PIEZO1: variants seen among roughly 807,000 people sequenced by gnomAD.
The protein encoded by PIEZO1 is piezo-type mechanosensitive ion channel component 1.
A neutral mutation model predicts 297.2 loss-of-function variants in PIEZO1; 296 were observed. That is an observed-to-expected ratio of 1.00 (90% confidence interval 0.91 to 1.10). The LOEUF is 1.10. Ranked by LOEUF, PIEZO1 falls within the 50% of genes least tolerant of loss-of-function variation. The pLI is 0.00. For synonymous variants in PIEZO1, 2,427 were observed against 1,507.5 expected, an observed-to-expected ratio of 1.61 and a Z score of -14.13; for missense variants, 5,018 against 3,455.5, an observed-to-expected ratio of 1.45 and a Z score of -11.34.
At chr16:88,776,138 G>A (rs528271082) in intron 1 of PIEZO1, among the ~76,000 whole-genome samples, 224 of 152,312 alleles carry the variant, frequency 1.5e-3, no homozygotes, top group Non-Finnish European at 2.5e-3. Context: ...GTGGTGCACA[G>A]AAGGAACCAA....
chr16:88,755,975 C>T (rs1230764125), intron 1 of PIEZO1, among the ~76,000 whole-genome samples: 1 of 152,166 alleles, frequency 6.6e-6, no homozygotes, highest in Non-Finnish European at 1.5e-5. Context: ...CGGGGGCCAC[C>T]CAGGAGCCAG....
chr16:88,721,230 G>T lies in PIEZO1; in HGVS notation c.5604C>A (p.Arg1868=), dbSNP rs1355450018. 6.5e-6 allele frequency: 10 copies of T among 1,539,438 alleles called. No homozygotes were observed. Among genetic ancestry groups the T allele is most frequent in the Non-Finnish European group, 8.7e-6 (10 of 1,145,536 alleles). Residue 1868 remains arginine, a synonymous_variant, in exon 39 of 51, where the codon CGC becomes CGA. Transcript: ENST00000301015. ...QVELRPRDTR[R]ISLRFRRRKK... The stretch of plus-strand genomic sequence containing the variant: ...TCCTTCTTCTAAAACGTAGACTGAT[G>T]CGCCTCGTATCACGGGGCCTGAGCT...
chr16:88,779,029 G>C (rs368963555), intron 1 of PIEZO1, among the ~76,000 whole-genome samples: 1 of 142,460 alleles, frequency 7.0e-6, no homozygotes, highest in African/African-American at 2.6e-5. Context: ...TCTGATTTAC[G>C]ACTTCACTTT....
chr16:88,732,332 C>T lies in PIEZO1; in HGVS notation c.2991+3G>A. ...CCAGGGGGAGGCAATGTCCTTGCCT[C>T]ACCTCCAGCCCGAATTTGTAGAAGA... On this transcript the variant is annotated splice_donor_region_variant and intron_variant, in intron 21 of 50. Transcript: ENST00000301015. The T allele has an allele frequency of 6.5e-7, 1 of 1,548,528 alleles. No individual in the cohort carries two copies. Among genetic ancestry groups the T allele is most frequent in the Admixed American group, 2.0e-5 (1 of 50,956 alleles).
At position 88,715,383 on chromosome 16, in the gene PIEZO1, A is replaced by G; in HGVS notation, c.*222T>C. ...AATAAAACATTTTTTAATTAAAAAA[A>G]AAACTCTACAGTACACGTGGGGGAC... On this transcript the variant is annotated 3_prime_UTR_variant, in exon 51 of 51. Coordinates refer to ENST00000301015, the MANE Select transcript of PIEZO1 (RefSeq NM_001142864.4). 1 of 1,121,312 alleles carries G rather than the reference A, an allele frequency of 8.9e-7. No individual in the cohort carries two copies. Among genetic ancestry groups the G allele is most frequent in the Non-Finnish European group, 1.2e-6 (1 of 804,734 alleles). The allele number at this position is 1,121,312 out of a possible 1,614,324, so 69.5% of individuals were successfully genotyped here. A position where few individuals can be genotyped will look rare whatever the true frequency, so the allele number is the denominator to read the frequency against.
At chr16:88,743,893 G>C (rs181322426) in intron 2 of PIEZO1, 6 of 312,472 alleles carry the variant, frequency 1.9e-5, no homozygotes, top group Non-Finnish European at 3.2e-5. Flanking sequence ...GCAGCAGGGA[G>C]AGTGGGAAGG....
rs1446345335 is a variant in PIEZO1 at position 88,717,279 on chromosome 16, C to G, written c.6472-68G>C. 3.6e-6 allele frequency: 5 copies of G among 1,384,824 alleles called. No individual in the cohort carries two copies. The Admixed American group carries it at 5.9e-5, about 16-fold the overall frequency. The allele number at this position is 1,384,824 out of a possible 1,614,324, so 85.8% of individuals were successfully genotyped here. A position where few individuals can be genotyped will look rare whatever the true frequency, so the allele number is the denominator to read the frequency against. On this transcript the variant is annotated intron_variant, in intron 44 of 50. Transcript: ENST00000301015. ...CCTGCGGGTCACACAACCGCATTCT[C>G]CAGCTCACCCAGCAGCCCAGAAAAG...
At chr16:88,726,507 C>A in intron 26 of PIEZO1, 40 bp downstream of exon 26, 2 of 1,545,792 alleles carry the variant, frequency 1.3e-6, no homozygotes, top group Non-Finnish European at 8.7e-7. Context: ...GAGCAGGGGG[C>A]TTCCCCACGC....
At position 88,741,584 on chromosome 16, in the gene PIEZO1, C is replaced by T. The variant is rs1180628646; in HGVS notation, c.359G>A (p.Arg120Gln). The change falls in exon 5 of 51, where the codon CGG (arginine) becomes CAG (glutamine). Residue 120 changes from arginine (R) to glutamine (Q), a missense_variant. Transcript: ENST00000301015. Reference sequence around the variant, plus strand: ...GATGCCCAGGTCAGGGGCCACCAGCCGGATGGCGTTGGGGATGTCCTTCAG... The same window carrying T: ...GATGCCCAGGTCAGGGGCCACCAGCTGGATGGCGTTGGGGATGTCCTTCAG... ...LDLKDIPNAIRLVAPDLGILV... is the reference protein window; with the variant it reads ...LDLKDIPNAIQLVAPDLGILV... The T allele has an allele frequency of 1.2e-5, 19 of 1,535,388 alleles. No individual in the cohort carries two copies. The highest frequency in any genetic ancestry group is 6.9e-5 in the African/African-American group (5 of 72,984).
chr16:88,725,322 G>A (rs1904344341), intron 29 of PIEZO1, 94 bp downstream of exon 29: 2 of 834,396 alleles, frequency 2.4e-6, no homozygotes, highest in East Asian at 2.8e-5. Context: ...TGGGAGCCCT[G>A]TGGGACGTCA....
chr16:88,770,682 C>T (rs116225637), intron 1 of PIEZO1, among the ~76,000 whole-genome samples: 1 of 152,224 alleles, frequency 6.6e-6, no homozygotes, highest in South Asian at 2.1e-4. Context: ...GCCTTCACTG[C>T]CAGTGACTCA....
At position 88,726,751 on chromosome 16, in the gene PIEZO1, G is replaced by A; in HGVS notation, c.3663C>T (p.Tyr1221=). 2 of 1,550,166 alleles carry A rather than the reference G, an allele frequency of 1.3e-6. No homozygotes were observed. Among genetic ancestry groups the A allele is most frequent in the South Asian group, 1.2e-5 (1 of 84,056 alleles). The change falls in exon 25 of 51, where the codon TAC becomes TAT. Residue 1221 remains tyrosine, a synonymous_variant. Transcript: ENST00000301015. ...TCTTGGAGATGATGACGGTGACGTT[G>A]TACAGAATGAGGCAGTCCCACAGCA... The part of the protein sequence containing the change: ...RLVLWDCLIL[Y]NVTVIISKNM...
intron 2 of PIEZO1, chr16:88,743,264 G>A (rs775567638): frequency 1.3e-5 from 6 of 456,386 alleles, no homozygotes; most frequent in Non-Finnish European, 2.2e-5. Context: ...GCGCACATGT[G>A]GACAGCTCAC....
At chr16:88,721,038 G>A (rs1912399524) in intron 39 of PIEZO1, 128 bp downstream of exon 39, 2 of 999,150 alleles carry the variant, frequency 2.0e-6, no homozygotes, top group Non-Finnish European at 2.8e-6. Context: ...GCTCAGAAGT[G>A]GCACCTTCCT....
chr16:88,716,606 G>C lies in PIEZO1; in HGVS notation c.6879C>G (p.Tyr2293Ter). 6.5e-7 allele frequency: 1 copy of C among 1,549,842 alleles called. No homozygotes were observed. Among genetic ancestry groups the C allele is most frequent in the Non-Finnish European group, 8.7e-7 (1 of 1,146,776 alleles). The stretch of plus-strand genomic sequence containing the variant: ...GCAGGGTGATGTCGGCCGTGCCGTT[G>C]TAGAGCTCCCGCTTCATCTGGGCAC... Reference protein sequence around the residue: ...PSRAQMKRELYNGTADITLRF... With the variant: ...PSRAQMKREL The change falls in exon 47 of 51, where the codon TAC becomes TAG. Residue 2293 changes from tyrosine to a stop codon, truncating the protein, a stop_gained. Transcript: ENST00000301015. LOFTEE classifies it high-confidence loss of function.
intron 10 of PIEZO1, chr16:88,737,330 C>T (rs1184812284): frequency 2.0e-6 from 1 of 510,496 alleles, no homozygotes; most frequent in Non-Finnish European, 3.5e-6. Flanking sequence ...GACGCGGCCA[C>T]TCAGCTGCCC....
intron 49 of PIEZO1, 37 bp from the exon 50 acceptor site, chr16:88,716,156 C>T: frequency 6.6e-7 from 1 of 1,524,852 alleles, no homozygotes; most frequent in Non-Finnish European, 8.8e-7. Context: ...GGCCGCAGGT[C>T]ACCCCTCTCT....
intron 2 of PIEZO1, among the ~76,000 whole-genome samples, chr16:88,744,935 G>A (rs1295814814): frequency 6.6e-6 from 1 of 152,016 alleles, no homozygotes; most frequent in Admixed American, 6.5e-5. Flanking sequence ...GCACGGGGCG[G>A]GGAGCGGGGA....
chr16:88,719,110 C>T (rs1912246461), intron 44 of PIEZO1: 1 of 167,188 alleles, frequency 6.0e-6, no homozygotes, highest in Non-Finnish European at 1.3e-5. Flanking sequence ...GGGTCTCTTA[C>T]AGTGCTGGGA....
Sources: allele counts gnomAD v4.1 joint callset (sites outside exome capture counted in the v4.1 genomes callset), GRCh38; gene constraint gnomAD v4.1.1; transcripts MANE v1.5; gene names NCBI Gene and HGNC (gene_info 2026-07-23, HGNC 2026-07-21).